KRI1: variants seen among roughly 807,000 people sequenced by gnomAD.
KRI1 encodes KRI1 homolog, also known as protein KRI1 homolog.
Under a neutral mutation model 97.0 loss-of-function variants are expected in KRI1, and 83 were observed. The observed-to-expected ratio is 0.86, with a 90% CI of 0.72 to 1.03. The LOEUF (loss-of-function observed/expected upper bound fraction) is 1.03. Ranked by LOEUF, KRI1 falls within the 50% of genes least tolerant of loss-of-function variation. KRI1 has a pLI of 0.00. For missense variants in KRI1, 916 were observed against 928.4 expected (o/e 0.99, Z 0.17); for synonymous variants, 371 against 363.5 (o/e 1.02, Z -0.23).
chr19:10,555,339 G>T lies in KRI1; in HGVS notation c.1628C>A (p.Ala543Asp). The change falls in exon 17 of 19, where the codon GCT becomes GAT. Residue 543 changes from alanine to aspartate, a missense_variant. By Grantham distance (126) the Ala-to-Asp change is moderately radical. Around this residue, in one of 3 missense-constraint regions of KRI1, gnomAD observed 672 missense variants for 667.2 expected, o/e 1.01. Transcript: ENST00000312962. ...CCACCGGTTCAGCTCCTTATCGTCA[G>T]CAGCGAGGATCTGCGTGGGAAGGGA... is the stretch of plus-strand genomic sequence containing the variant. Reference protein sequence around the residue: ...FGLSTEEILAADDKELNRWCS... With the variant: ...FGLSTEEILADDDKELNRWCS... 6.2e-7 allele frequency: 1 copy of T among 1,612,702 alleles called. No homozygotes were observed.
Position 10,557,932 on chromosome 19 carries a change from C to T in KRI1, c.1360-37G>A, listed in dbSNP as rs558881430. The T allele has an allele frequency of 1.2e-5, 20 of 1,613,776 alleles. No homozygotes were observed. The East Asian group carries it at 2.2e-4, about 18-fold the overall frequency. ...CACAGGTCAGATCCCACCAGCCCCC[C>T]GTCAGGGCCCCTGGGACTCCCTCAA... On this transcript the variant is annotated intron_variant, in intron 14 of 18. Transcript: ENST00000312962.
rs1485200725 is a variant in KRI1 at position 10,564,967 on chromosome 19, C to T, written c.236G>A (p.Arg79His). The T allele has an allele frequency of 3.7e-6, 6 of 1,613,660 alleles. No individual in the cohort carries two copies. In the Admixed American group the frequency reaches 5.0e-5, roughly 13 times the overall value. The part of the protein sequence containing the change: ...TLSLLKKKDP[R>H]IYQKDATFYN... Reference sequence around the variant, plus strand: ...GAAGGTGGCATCTTTCTGATAAATGCGGGGGTCCTTCTTCTTCAACAAGGA... The same window carrying T: ...GAAGGTGGCATCTTTCTGATAAATGTGGGGGTCCTTCTTCTTCAACAAGGA... The change falls in exon 3 of 19, where the codon CGC (arginine) becomes CAC (histidine). Residue 79 changes from arginine (R) to histidine (H), a missense_variant. Coordinates refer to ENST00000312962, the MANE Select transcript of KRI1 (RefSeq NM_023008.5).
In KRI1 at chr19:10,553,923, C is replaced by G. The variant is rs1204696459; in HGVS notation, c.*28G>C. On this transcript the variant is annotated 3_prime_UTR_variant, in exon 19 of 19. Coordinates refer to ENST00000312962, the MANE Select transcript of KRI1 (RefSeq NM_023008.5). ...CCAGGGCTTGATTTGAGGAGAGGAG[C>G]CTGAGGCCCCTGCCTGCTCCCTGGT... is the stretch of plus-strand genomic sequence containing the variant. 1 of 1,527,034 alleles carries G rather than the reference C, an allele frequency of 6.5e-7. No homozygotes were observed. The highest frequency in any genetic ancestry group is 8.8e-7 in the Non-Finnish European group (1 of 1,135,798). The allele number at this position is 1,527,034 out of a possible 1,614,324, so 94.6% of individuals were successfully genotyped here.
chr19:10,554,912 G>GT (rs898090055), intron 18 of KRI1, among the ~76,000 whole-genome samples, 175 bp downstream of exon 18: 54 of 152,294 alleles, frequency 3.5e-4, no homozygotes, highest in African/African-American at 1.3e-3. Context: ...CCAGAGAGGG[G>GT]TAGCGACTTG....
rs1470761338 is a variant in KRI1 at position 10,561,063 on chromosome 19, G to T, written c.603C>A (p.Asp201Glu). 5.0e-6 allele frequency: 8 copies of T among 1,614,008 alleles called. No individual in the cohort carries two copies. Among genetic ancestry groups the T allele is most frequent in the Non-Finnish European group, 6.8e-6 (8 of 1,180,018 alleles). The change falls in exon 8 of 19, where the codon GAC becomes GAA. Residue 201 changes from aspartate (D) to glutamate (E), a missense_variant. Physicochemically the swap from Asp to Glu is conservative, Grantham distance 45. Coordinates refer to ENST00000312962, the MANE Select transcript of KRI1 (RefSeq NM_023008.5). Reference protein sequence around the residue: ...TRQEKAQEEADYIEWLKGQKE... With the variant: ...TRQEKAQEEAEYIEWLKGQKE... ...TCTGTCCCTTCAGCCACTCGATGTA[G>T]TCGGCCTCCTCCTGGGCCTGGGGGA...
chr19:10,557,927 C>A (rs143038509), intron 14 of KRI1, 32 bp from the exon 15 acceptor site: 4 of 1,613,468 alleles, frequency 2.5e-6, no homozygotes, highest in Non-Finnish European at 2.5e-6. Flanking sequence ...ATCCCACCAG[C>A]CCCCCGTCAG....
rs1232660211 is a variant in KRI1 at position 10,553,475 on chromosome 19, C to G, written c.*476G>C. ...GGGATGTGGGGTCTGGGAGGTGTCT[C>G]GAGGTGAGAGCTCCAAGTCACGGGA... On this transcript the variant is annotated 3_prime_UTR_variant, in exon 19 of 19. Coordinates refer to ENST00000312962, the MANE Select transcript of KRI1 (RefSeq NM_023008.5). 1.1e-5 allele frequency: 2 copies of G among 189,266 alleles called. No individual in the cohort carries two copies. The highest frequency in any genetic ancestry group is 2.3e-5 in the African/African-American group (1 of 42,698). 11.7% of individuals were successfully genotyped at this position (189,266 alleles called of 1,614,324 possible). A position where few individuals can be genotyped will look rare whatever the true frequency, so the allele number is the denominator to read the frequency against.
intron 18 of KRI1, among the ~76,000 whole-genome samples, chr19:10,554,765 C>T (rs1429223890): frequency 1.3e-5 from 2 of 152,096 alleles, no homozygotes; most frequent in South Asian, 2.1e-4. Context: ...CTAGACTGGG[C>T]GAAAGCAATC....
At chr19:10,565,487 C>T in intron 2 of KRI1, 1 of 580,532 alleles carries the variant, frequency 1.7e-6, no homozygotes, top group South Asian at 2.1e-5. Context: ...TCGCCCCACA[C>T]ATCAGAGTGG....
Position 10,565,967 on chromosome 19 carries a change from C to G in KRI1, c.33G>C (p.Arg11=). The change falls in exon 1 of 19, where the codon CGG becomes CGC. Residue 11 remains arginine (R), a synonymous_variant. Coordinates refer to ENST00000312962, the MANE Select transcript of KRI1 (RefSeq NM_023008.5). Reference sequence around the variant, plus strand: ...ACCGCGCGGCAAACGCCGCGTTCACCCGCAGCTGCGACGACCCGCGCGGTT... The same window carrying G: ...ACCGCGCGGCAAACGCCGCGTTCACGCGCAGCTGCGACGACCCGCGCGGTT... MPEPRGSSQL[R]VNAAFAARYN... 2 of 1,527,798 alleles carry G rather than the reference C, an allele frequency of 1.3e-6. No individual in the cohort carries two copies. Among genetic ancestry groups the G allele is most frequent in the Non-Finnish European group, 1.8e-6 (2 of 1,140,988 alleles). The allele number at this position is 1,527,798 out of a possible 1,614,324, so 94.6% of individuals were successfully genotyped here. A position where few individuals can be genotyped will look rare whatever the true frequency, so the allele number is the denominator to read the frequency against.
intron 18 of KRI1, 30 bp downstream of exon 18, chr19:10,555,057 A>C (rs1171353596): frequency 1.9e-6 from 3 of 1,580,662 alleles, no homozygotes. Flanking sequence ...CAGGCTCCCC[A>C]CCCACGCTTC....
In KRI1 at chr19:10,561,781, C is replaced by T. The variant is rs1323817714; in HGVS notation, c.438+10G>A. The T allele has an allele frequency of 6.2e-7, 1 of 1,613,866 alleles. No homozygotes were observed. The highest frequency in any genetic ancestry group is 2.2e-5 in the East Asian group (1 of 44,876). ...CCTCAGCCCCCCGACCCAGCCTTCA[C>T]CCCACCCACCTGGAGTCTGTGATTG... On this transcript the variant is annotated intron_variant, in intron 5 of 18. Transcript: ENST00000312962.
rs1393730355 is a variant in KRI1 at position 10,565,966 on chromosome 19, C to A, written c.34G>T (p.Val12Leu). ...TACCGCGCGGCAAACGCCGCGTTCA[C>A]CCGCAGCTGCGACGACCCGCGCGGT... is the stretch of plus-strand genomic sequence containing the variant. ...PEPRGSSQLRVNAAFAARYNR... is the reference protein window; with the variant it reads ...PEPRGSSQLRLNAAFAARYNR... Residue 12 changes from valine (V) to leucine (L), a missense_variant, in exon 1 of 19, where the codon GTG becomes TTG. Coordinates refer to ENST00000312962, the MANE Select transcript of KRI1 (RefSeq NM_023008.5). 2.0e-6 allele frequency: 3 copies of A among 1,527,814 alleles called. No individual in the cohort carries two copies. The highest frequency in any genetic ancestry group is 2.6e-6 in the Non-Finnish European group (3 of 1,140,960). 94.6% of individuals were successfully genotyped at this position (1,527,814 alleles called of 1,614,324 possible). A position where few individuals can be genotyped will look rare whatever the true frequency, so the allele number is the denominator to read the frequency against.
chr19:10,560,567 TTTC>T (rs1916664681), intron 8 of KRI1, 119 bp from the exon 9 acceptor site: 1 of 714,170 alleles, frequency 1.4e-6, no homozygotes, highest in South Asian at 1.9e-5. Flanking sequence ...CCCATTTTGG[TTTC>T]TTATTTTTAT....
At chr19:10,565,818 C>G (rs775551896) in intron 1 of KRI1, 28 bp from the exon 2 acceptor site, 8 of 1,550,082 alleles carry the variant, frequency 5.2e-6, no homozygotes, top group East Asian at 2.4e-5. Context: ...GATGCCCCCC[C>G]CCAGGTCAGC....
rs765356427 is a variant in KRI1 at position 10,559,496 on chromosome 19, G to A, written c.1057C>T (p.Leu353=). ...ATCTCCTTCCTCTTCAGGTTCTTCA[G>A]CTGCTTGAGCTCTTCCTGCTTCTTT... ...KAKKQEELKQ[L]KNLKRKEILA... The change falls in exon 12 of 19, where the codon CTG becomes TTG. Residue 353 remains leucine, a synonymous_variant. Transcript: ENST00000312962. 3.1e-6 allele frequency: 5 copies of A among 1,613,994 alleles called. No individual in the cohort carries two copies. The highest frequency in any genetic ancestry group is 4.2e-6 in the Non-Finnish European group (5 of 1,180,008).
chr19:10,565,207 G>T, intron 2 of KRI1, 173 bp from the exon 3 acceptor site: 2 of 638,142 alleles, frequency 3.1e-6, no homozygotes, highest in South Asian at 3.5e-5. Flanking sequence ...GGTGGGCAGG[G>T]GCAGGCCACA....
chr19:10,558,304 TGCC>T lies in KRI1; in HGVS notation c.1195-68_1195-66del, dbSNP rs146387870. 11,751 of 1,485,782 alleles carry T rather than the reference TGCC, an allele frequency of 7.9e-3. 70 individuals are homozygous for T. The highest frequency in any genetic ancestry group is 9.5e-3 in the Non-Finnish European group (10,092 of 1,064,498). The allele number at this position is 1,485,782 out of a possible 1,614,324, so 92.0% of individuals were successfully genotyped here. A position where few individuals can be genotyped will look rare whatever the true frequency, so the allele number is the denominator to read the frequency against. On this transcript the variant is annotated intron_variant, in intron 12 of 18. Coordinates refer to ENST00000312962, the MANE Select transcript of KRI1 (RefSeq NM_023008.5). Reference sequence around the variant, plus strand: ...GACATAGGAGCTGAGCCCCCTACGATGCCGCCAATGACCCCCTCCTTGGCAACT... The same window carrying T: ...GACATAGGAGCTGAGCCCCCTACGATGCCAATGACCCCCTCCTTGGCAACT...
chr19:10,561,413 G>T, intron 6 of KRI1, 148 bp from the exon 7 acceptor site: 1 of 832,028 alleles, frequency 1.2e-6, no homozygotes, highest in Non-Finnish European at 1.9e-6. Flanking sequence ...TCCCTCCTCT[G>T]CCCACCAAAG....
Sources: gnomAD v4.1 joint callset for allele counts (sites outside exome capture counted in the v4.1 genomes callset) on GRCh38, gnomAD v4.1.1 for gene constraint, gnomAD v4.1.1 regional missense constraint, MANE v1.5 for transcripts, NCBI Gene and HGNC (gene_info 2026-07-23, HGNC 2026-07-21) for gene names.